The following HELB variants were observed in gnomAD, a reference collection of about 807,000 sequenced individuals.
The protein encoded by HELB is DNA 5'-3' helicase B.
In HELB, 96 loss-of-function variants were observed where a neutral mutation model predicts 101.7. The ratio of observed to expected loss-of-function variants is 0.94; its 90% CI spans 0.80 to 1.12. The LOEUF (loss-of-function observed/expected upper bound fraction) is 1.12, where lower values mean the gene tolerates loss of function less well. Among genes scored for constraint, HELB ranks in the 50% most tolerant of loss-of-function variants. The pLI is 0.00. For synonymous variants in HELB, 437 were observed against 459.7 expected, an observed-to-expected ratio of 0.95 and a Z score of 0.63; for missense variants, 1,210 against 1,291.9, an observed-to-expected ratio of 0.94 and a Z score of 0.97.
intron 11 of HELB, among the ~76,000 whole-genome samples, chr12:66,326,334 C>T (rs1367992758): frequency 6.6e-6 from 1 of 151,974 alleles, no homozygotes; most frequent in African/African-American, 2.4e-5. Context: ...GTTCCGCCTC[C>T]CAGGTTCAAG....
chr12:66,308,131 A>T (rs900087029), intron 3 of HELB, among the ~76,000 whole-genome samples: 2 of 151,506 alleles, frequency 1.3e-5, no homozygotes, highest in Non-Finnish European at 2.9e-5. Flanking sequence ...CTGTTTAAGG[A>T]GCTGTTGAAG....
intron 8 of HELB, 38 bp from the exon 9 acceptor site, chr12:66,322,686 G>A (rs1408997044): frequency 7.0e-7 from 1 of 1,430,688 alleles, no homozygotes; most frequent in East Asian, 2.3e-5. Flanking sequence ...CTGTAGCAGA[G>A]ACCATTAAGG....
At chr12:66,316,974 A>C (rs2053613669) in intron 6 of HELB, among the ~76,000 whole-genome samples, 1 of 147,660 alleles carries the variant, frequency 6.8e-6, no homozygotes, top group Non-Finnish European at 1.5e-5. Flanking sequence ...AGCCGAGATC[A>C]TGCCACTGCA....
chr12:66,319,325 T>C (rs985028693), intron 7 of HELB, among the ~76,000 whole-genome samples: 3 of 152,178 alleles, frequency 2.0e-5, no homozygotes, highest in African/African-American at 7.2e-5. Context: ...TAGGACAGGG[T>C]TGAGAAAGAG....
chr12:66,312,095 TAGTAA>T (rs1341019060), intron 4 of HELB, among the ~76,000 whole-genome samples: 2 of 152,220 alleles, frequency 1.3e-5, no homozygotes, highest in Non-Finnish European at 2.9e-5. Flanking sequence ...GCTTTAAAGT[TAGTAA>T]AGTATTTTGA....
At chr12:66,323,572 A>G (rs1412519515) in intron 9 of HELB, among the ~76,000 whole-genome samples, 1 of 152,234 alleles carries the variant, frequency 6.6e-6, no homozygotes, top group African/African-American at 2.4e-5. Context: ...ATAGTGCCAT[A>G]ATTATTACAA....
chr12:66,317,899 A>T (rs535502511), intron 6 of HELB, among the ~76,000 whole-genome samples: 2 of 152,208 alleles, frequency 1.3e-5, no homozygotes, highest in South Asian at 4.1e-4. Flanking sequence ...GGGTACCACC[A>T]CCTCTGATAA....
chr12:66,324,840 C>T, intron 10 of HELB, 143 bp from the exon 11 acceptor site: 1 of 972,754 alleles, frequency 1.0e-6, no homozygotes, highest in Non-Finnish European at 1.6e-6. Flanking sequence ...TGCTGAAATG[C>T]AAATTTTAAG....
intron 12 of HELB, among the ~76,000 whole-genome samples, chr12:66,333,253 G>T (rs1040008363): frequency 6.6e-6 from 1 of 152,110 alleles, no homozygotes; most frequent in African/African-American, 2.4e-5. Context: ...GTGGGCAGGA[G>T]GTGCTATTTT....
chr12:66,332,897 C>T (rs2053825595), intron 12 of HELB, among the ~76,000 whole-genome samples: 1 of 152,056 alleles, frequency 6.6e-6, no homozygotes, highest in Non-Finnish European at 1.5e-5. Flanking sequence ...TCATTTCCCA[C>T]TATGCTTTTT....
Position 66,302,587 on chromosome 12 carries a change from T to C in HELB, c.-17T>C. The C allele has an allele frequency of 6.2e-7, 1 of 1,607,766 alleles. No individual in the cohort carries two copies. Among genetic ancestry groups the C allele is most frequent in the Non-Finnish European group, 8.5e-7 (1 of 1,174,862 alleles). On this transcript the variant is annotated 5_prime_UTR_variant, in exon 1 of 13. Coordinates refer to ENST00000247815, the MANE Select transcript of HELB (RefSeq NM_001370285.1). ...CCAGGGTTTTCCCGAGTTGTTTGGGTTGAGTTCAGGAGAAGCATGGCCAGG... is the reference window on the plus strand; with the variant it reads ...CCAGGGTTTTCCCGAGTTGTTTGGGCTGAGTTCAGGAGAAGCATGGCCAGG...
chr12:66,320,875 C>T (rs902793000), intron 7 of HELB, among the ~76,000 whole-genome samples: 2 of 152,038 alleles, frequency 1.3e-5, no homozygotes, highest in African/African-American at 4.8e-5. Context: ...ATCTTAGAAT[C>T]AATAAAATAC....
At chr12:66,312,240 A>C (rs1391799307) in intron 4 of HELB, among the ~76,000 whole-genome samples, 1 of 152,122 alleles carries the variant, frequency 6.6e-6, no homozygotes, top group Non-Finnish European at 1.5e-5. Context: ...TGAAATGGAG[A>C]TTTCTGGCCT....
chr12:66,311,565 A>G (rs1036405819), intron 4 of HELB, among the ~76,000 whole-genome samples: 1 of 152,214 alleles, frequency 6.6e-6, no homozygotes, highest in African/African-American at 2.4e-5. Flanking sequence ...GGTTACAAAC[A>G]TGTCACAGTC....
rs571041296 is a variant in HELB, at chr12:66,310,727, T to C, written c.1680+119T>C. The C allele has an allele frequency of 8.0e-6, 7 of 870,500 alleles. No homozygotes were observed. In the African/African-American group the frequency reaches 8.4e-5, roughly 10 times the overall value. 53.9% of individuals were successfully genotyped at this position (870,500 alleles called of 1,614,324 possible). ...GCGGGCAGATCACAAGGTCAGGAGA[T>C]GGAGACCATCCTGGCTAACATGGTG... is the stretch of plus-strand genomic sequence containing the variant. On this transcript the variant is annotated intron_variant, in intron 4 of 12. Coordinates refer to ENST00000247815, the MANE Select transcript of HELB (RefSeq NM_001370285.1).
At chr12:66,321,763 A>G in intron 7 of HELB, 185 bp from the exon 8 acceptor site, 1 of 487,266 alleles carries the variant, frequency 2.1e-6, no homozygotes, top group Non-Finnish European at 3.7e-6. Flanking sequence ...CCTTCTTTCC[A>G]TTCTCTTTCC....
At chr12:66,322,891 GT>G (rs1050968181) in intron 9 of HELB, 108 bp downstream of exon 9, 7 of 607,078 alleles carry the variant, frequency 1.2e-5, no homozygotes, top group South Asian at 2.5e-5. Context: ...TCCCAAAATA[GT>G]TTTTTTTCCC....
chr12:66,308,043 TAAAAAAA>T (rs10686380), intron 3 of HELB, among the ~76,000 whole-genome samples: 2 of 108,050 alleles, frequency 1.9e-5, no homozygotes, highest in African/African-American at 7.2e-5. Context: ...CTACCTCCTC[TAAAAAAA>T]AAAAAAAAAA....
intron 7 of HELB, among the ~76,000 whole-genome samples, 193 bp downstream of exon 7, chr12:66,318,985 G>C (rs536372475): frequency 6.6e-6 from 1 of 152,258 alleles, no homozygotes; most frequent in Non-Finnish European, 1.5e-5. Flanking sequence ...AAAGAAGTAA[G>C]CTCTTGACAC....
Sources: allele counts gnomAD v4.1 joint callset (sites outside exome capture counted in the v4.1 genomes callset), GRCh38; gene constraint gnomAD v4.1.1; transcripts MANE v1.5; gene names NCBI Gene and HGNC (gene_info 2026-07-23, HGNC 2026-07-21).